TANC2: variants seen among roughly 807,000 people sequenced by gnomAD.
TANC2 encodes the protein protein TANC2.
A neutral mutation model predicts 210.5 loss-of-function variants in TANC2; 26 were observed. That is an observed-to-expected ratio of 0.12 (90% CI 0.09 to 0.17). TANC2 has a LOEUF of 0.17. Among genes scored for constraint, TANC2 ranks in the 10% least tolerant of loss-of-function variants. TANC2 has a pLI of 1.00. For missense variants in TANC2, 2,129 were observed against 2,608.9 expected (o/e 0.82, Z 4.01); for synonymous variants, 931 against 967.1 (o/e 0.96, Z 0.69).
chr17:63,138,689 T>C (rs2039179816), intron 4 of TANC2, among the ~76,000 whole-genome samples: 1 of 152,234 alleles, frequency 6.6e-6, no homozygotes, highest in Non-Finnish European at 1.5e-5. Flanking sequence ...GATTTTTCTT[T>C]CTGTGCCAGG....
At chr17:63,270,145 A>G (rs1247814399) in intron 9 of TANC2, among the ~76,000 whole-genome samples, 2 of 152,178 alleles carry the variant, frequency 1.3e-5, no homozygotes, top group Non-Finnish European at 2.9e-5. Flanking sequence ...AAAGTATACT[A>G]AAACTAGTAA....
At chr17:63,279,101 TCTCCCC>T (rs1486955064) in intron 9 of TANC2, among the ~76,000 whole-genome samples, 2 of 152,034 alleles carry the variant, frequency 1.3e-5, no homozygotes, top group African/African-American at 2.4e-5. Context: ...TTAATTAGCC[TCTCCCC>T]CTATGGAAGA....
At chr17:63,405,028 T>A (rs573734047) in intron 19 of TANC2, 94 bp from the exon 20 acceptor site, 1 of 1,326,052 alleles carries the variant, frequency 7.5e-7, no homozygotes, top group South Asian at 2.5e-5. Context: ...AAGTAGCAAT[T>A]ACATTAATGA....
At chr17:63,380,764 A>G (rs528178054) in intron 15 of TANC2, among the ~76,000 whole-genome samples, 12 of 152,366 alleles carry the variant, frequency 7.9e-5, no homozygotes, top group African/African-American at 2.9e-4. Context: ...GATAACTTCA[A>G]GAGCCTAGCA....
intron 14 of TANC2, among the ~76,000 whole-genome samples, chr17:63,376,395 T>C (rs1452824351): frequency 6.6e-6 from 1 of 152,146 alleles, no homozygotes; most frequent in African/African-American, 2.4e-5. Context: ...CATGCTGTTC[T>C]CGTGATAGCT....
intron 2 of TANC2, among the ~76,000 whole-genome samples, chr17:63,033,091 G>A (rs1364815226): frequency 3.3e-5 from 5 of 152,170 alleles, no homozygotes; most frequent in Non-Finnish European, 7.4e-5. Flanking sequence ...GATAAGATCT[G>A]AGCATGGGAA....
chr17:63,255,014 C>T (rs1036526130), intron 8 of TANC2, among the ~76,000 whole-genome samples: 20 of 151,760 alleles, frequency 1.3e-4, no homozygotes, highest in African/African-American at 4.3e-4. Flanking sequence ...ATACTCTCCT[C>T]CTCTACTTTT....
chr17:63,074,150 TATG>T (rs2036495177), intron 3 of TANC2, 136 bp downstream of exon 3: 9 of 556,400 alleles, frequency 1.6e-5, no homozygotes, highest in Admixed American at 7.5e-5. Context: ...ATTTAAATGA[TATG>T]ATGTAAAAAT....
chr17:63,346,703 T>A (rs2046422414), intron 12 of TANC2, among the ~76,000 whole-genome samples: 1 of 152,082 alleles, frequency 6.6e-6, no homozygotes, highest in Non-Finnish European at 1.5e-5. Context: ...GGAAAACTAT[T>A]TGTCAGTTTC....
At chr17:62,990,589 T>C (rs183928610) in intron 1 of TANC2, among the ~76,000 whole-genome samples, 1 of 152,170 alleles carries the variant, frequency 6.6e-6, no homozygotes, top group Non-Finnish European at 1.5e-5. Flanking sequence ...CTACCATGAT[T>C]TTTATTTTTT....
chr17:63,055,643 A>G (rs927076300), intron 2 of TANC2, among the ~76,000 whole-genome samples: 2 of 141,142 alleles, frequency 1.4e-5, no homozygotes, highest in East Asian at 2.0e-4. Flanking sequence ...TTATGCAAAC[A>G]TCTTCACTTT....
chr17:63,287,375 T>A lies in TANC2; in HGVS notation c.1159+19502T>A, dbSNP rs562268883. Among the ~76,000 whole-genome samples, 20 of 152,348 alleles carry A rather than the reference T, an allele frequency of 1.3e-4. No individual in the cohort carries two copies. In the South Asian group the frequency reaches 4.1e-3, roughly 32 times the overall value. ...CTAATTCTAACATCTGTCTTATTTG[T>A]CAGTTTCAATTGATTGATTTTGTTT... is the stretch of plus-strand genomic sequence containing the variant. On this transcript the variant is annotated intron_variant, in intron 9 of 27. Coordinates refer to ENST00000689528, the Ensembl canonical transcript of TANC2.
chr17:63,411,751 G>A (rs2048709913), intron 22 of TANC2, 65 bp downstream of exon 22: 2 of 1,542,162 alleles, frequency 1.3e-6, no homozygotes, highest in Admixed American at 3.9e-5. Flanking sequence ...CATACTACCT[G>A]GGGTTGAAAG....
chr17:63,099,181 T>C lies in TANC2; in HGVS notation c.146T>C (p.Ile49Thr), dbSNP rs777873115. Residue 49 changes from isoleucine (I) to threonine (T), a missense_variant, in exon 4 of 28, where the codon ATC (isoleucine) becomes ACC (threonine). Ile to Thr is a moderately conservative substitution (Grantham distance 89). Coordinates refer to ENST00000689528, the Ensembl canonical transcript of TANC2. ...TTCCATCCCCTTCTAACAGGTGGCA[T>C]CTCCACAGAAAGCGACTGTGCTTTT... 1 of 1,610,418 alleles carries C rather than the reference T, an allele frequency of 6.2e-7. No homozygotes were observed. Among genetic ancestry groups the C allele is most frequent in the Non-Finnish European group, 8.5e-7 (1 of 1,178,276 alleles).
chr17:63,232,206 T>G (rs1446445160), intron 7 of TANC2, among the ~76,000 whole-genome samples: 1 of 152,238 alleles, frequency 6.6e-6, no homozygotes, highest in African/African-American at 2.4e-5. Context: ...TAGAACATGC[T>G]CCTTCAGCTC....
At chr17:63,066,541 T>G (rs988910491) in intron 2 of TANC2, among the ~76,000 whole-genome samples, 6 of 152,228 alleles carry the variant, frequency 3.9e-5, no homozygotes, top group East Asian at 3.9e-4. Flanking sequence ...TTTTGAGGAA[T>G]GAGAAAGGAA....
chr17:63,037,841 A>AT (rs570019597), intron 2 of TANC2, among the ~76,000 whole-genome samples: 19 of 149,848 alleles, frequency 1.3e-4, no homozygotes, highest in South Asian at 4.2e-4. Context: ...TAAGTATATG[A>AT]TTTTTTTTTT....
intron 2 of TANC2, among the ~76,000 whole-genome samples, chr17:63,065,004 AAACTC>A (rs2036145618): frequency 6.6e-6 from 1 of 152,126 alleles, no homozygotes. Context: ...CTATCAAACT[AAACTC>A]AATACCCTTT....
intron 9 of TANC2, among the ~76,000 whole-genome samples, chr17:63,295,191 C>T (rs1047402703): frequency 9.0e-6 from 1 of 110,506 alleles, no homozygotes; most frequent in African/African-American, 2.8e-5. Flanking sequence ...GCTGTACAGA[C>T]ACCATTTTTG....
Sources: gnomAD v4.1 joint callset for allele counts (sites outside exome capture counted in the v4.1 genomes callset) on GRCh38, gnomAD v4.1.1 for gene constraint, MANE v1.5 for transcripts, NCBI Gene and HGNC (gene_info 2026-07-23, HGNC 2026-07-21) for gene names.